Variants in GUCY1A2 observed in about 807,000 individuals in gnomAD.
GUCY1A2 encodes guanylate cyclase soluble subunit alpha-2.
GUCY1A2 carries 27 observed loss-of-function variants against 63.5 expected under a neutral mutation model. The observed-to-expected ratio is 0.43, with a 90% CI of 0.31 to 0.59. The LOEUF (loss-of-function observed/expected upper bound fraction) is 0.59, where lower values mean the gene tolerates loss of function less well. Ranked by LOEUF, GUCY1A2 falls within the 20% of genes least tolerant of loss-of-function variation. The pLI is 0.11. For synonymous variants in GUCY1A2, 364 were observed against 343.5 expected (o/e 1.06, Z -0.66); for missense variants, 768 against 913.3 (o/e 0.84, Z 2.05).
chr11:106,791,210 A>C (rs1184126351), intron 5 of GUCY1A2, among the ~76,000 whole-genome samples: 1 of 152,184 alleles, frequency 6.6e-6, no homozygotes, highest in Non-Finnish European at 1.5e-5. Flanking sequence ...CCTCTGTGTG[A>C]GTGTCAGCTG....
At chr11:106,713,493 T>C (rs12786264) in intron 6 of GUCY1A2, among the ~76,000 whole-genome samples, 1 of 135,194 alleles carries the variant, frequency 7.4e-6, no homozygotes, top group Non-Finnish European at 1.6e-5. Flanking sequence ...TATTAGTATG[T>C]TTCTTTTTTT....
chr11:106,839,377 G>A (rs1022065796), intron 4 of GUCY1A2, among the ~76,000 whole-genome samples: 2 of 151,904 alleles, frequency 1.3e-5, no homozygotes, highest in Non-Finnish European at 2.9e-5. Context: ...TGGAGGGGAC[G>A]TGGAGAAATA....
intron 1 of GUCY1A2, among the ~76,000 whole-genome samples, chr11:106,991,451 G>C (rs993911431): frequency 6.6e-6 from 1 of 152,154 alleles, no homozygotes; most frequent in Non-Finnish European, 1.5e-5. Context: ...AAAATACCAA[G>C]GTCTACGTGC....
Position 106,752,682 on chromosome 11 carries a change from A to G in GUCY1A2, c.1836+23757T>C, listed in dbSNP as rs192704848. Among the ~76,000 whole-genome samples the G allele has an allele frequency of 3.9e-5, 6 of 152,286 alleles. No individual in the cohort carries two copies. The East Asian group carries it at 1.2e-3, about 29-fold the overall frequency. On this transcript the variant is annotated intron_variant, in intron 6 of 7. Transcript: ENST00000526355. Reference sequence around the variant, plus strand: ...AGCTTCATCCATGTCCCTGCAAAGGACATGAAGTCATCCTTTTTATGGCTG... The same window carrying G: ...AGCTTCATCCATGTCCCTGCAAAGGGCATGAAGTCATCCTTTTTATGGCTG...
chr11:106,901,791 C>T (rs536233183), intron 4 of GUCY1A2, among the ~76,000 whole-genome samples: 167 of 152,252 alleles, frequency 1.1e-3, no homozygotes, highest in Non-Finnish European at 2.2e-3. Context: ...CCAGCTTCAT[C>T]CATGTCCCTA....
chr11:106,943,954 C>G (rs1352133053), intron 3 of GUCY1A2, among the ~76,000 whole-genome samples: 1 of 151,938 alleles, frequency 6.6e-6, no homozygotes, highest in Non-Finnish European at 1.5e-5. Context: ...GCCTGTAAAC[C>G]TAGCACTTTG....
chr11:106,990,353 T>G (rs965180285), intron 1 of GUCY1A2, among the ~76,000 whole-genome samples: 2 of 152,230 alleles, frequency 1.3e-5, no homozygotes, highest in African/African-American at 4.8e-5. Flanking sequence ...CCCCACAGAC[T>G]AAATGTTATG....
chr11:106,905,583 A>T (rs1860193681), intron 4 of GUCY1A2, among the ~76,000 whole-genome samples: 1 of 152,086 alleles, frequency 6.6e-6, no homozygotes, highest in Non-Finnish European at 1.5e-5. Context: ...GAGAATTGGG[A>T]TCAAGCACTT....
In GUCY1A2 at chr11:106,950,135, A is replaced by C. The variant is rs529760755; in HGVS notation, c.488-9957T>G. 5.9e-5 allele frequency among the ~76,000 whole-genome samples: 9 copies of C among 152,322 alleles called. No individual in the cohort carries two copies. The South Asian group carries it at 1.9e-3, about 32-fold the overall frequency. On this transcript the variant is annotated intron_variant, in intron 3 of 7. Transcript: ENST00000526355. Reference sequence around the variant, plus strand: ...TTGACAAATTCTTGTTCCTTTGCCAACAAGGAGCCACAGGTGTTGAGTGCT... The same window carrying C: ...TTGACAAATTCTTGTTCCTTTGCCACCAAGGAGCCACAGGTGTTGAGTGCT...
chr11:106,830,506 C>T (rs527431272), intron 4 of GUCY1A2, among the ~76,000 whole-genome samples: 27 of 152,306 alleles, frequency 1.8e-4, no homozygotes, highest in African/African-American at 5.5e-4. Context: ...GGGTGGGCAC[C>T]ATCTAATCAG....
At chr11:106,769,418 AT>A (rs1446597333) in intron 6 of GUCY1A2, among the ~76,000 whole-genome samples, 1 of 150,324 alleles carries the variant, frequency 6.7e-6, no homozygotes, top group Non-Finnish European at 1.5e-5. Context: ...TGAGGGAAGT[AT>A]TGGCAAGTTG....
intron 4 of GUCY1A2, among the ~76,000 whole-genome samples, chr11:106,853,386 T>C (rs1859382477): frequency 6.6e-6 from 1 of 151,992 alleles, no homozygotes; most frequent in South Asian, 2.1e-4. Context: ...CTGGGTTATT[T>C]TGGAAGCTCT....
chr11:106,847,455 T>C (rs1226140736), intron 4 of GUCY1A2, among the ~76,000 whole-genome samples: 1 of 151,394 alleles, frequency 6.6e-6, no homozygotes, highest in Admixed American at 6.6e-5. Context: ...ATACTAATCA[T>C]TGCTATTATT....
At chr11:107,000,880 G>A (rs938617466) in intron 1 of GUCY1A2, among the ~76,000 whole-genome samples, 2 of 152,114 alleles carry the variant, frequency 1.3e-5, no homozygotes, top group Non-Finnish European at 2.9e-5. Context: ...AATCACACAA[G>A]GGAAAGAAAT....
chr11:106,832,460 G>T (rs948562815), intron 4 of GUCY1A2, among the ~76,000 whole-genome samples: 12 of 152,074 alleles, frequency 7.9e-5, no homozygotes, highest in Non-Finnish European at 1.5e-4. Flanking sequence ...GTATTAGGAG[G>T]TGTAAGATGG....
At chr11:106,797,170 A>G (rs1485931558) in intron 5 of GUCY1A2, among the ~76,000 whole-genome samples, 1 of 152,036 alleles carries the variant, frequency 6.6e-6, no homozygotes, top group Non-Finnish European at 1.5e-5. Flanking sequence ...CTAGTTAGCC[A>G]TTCGTCTAAT....
In GUCY1A2 at chr11:106,738,878, C is replaced by T. The variant is rs190953500; in HGVS notation, c.1837-30212G>A. Reference sequence around the variant, plus strand: ...TGGGATTGTCTTGGCTATACGGGTTCTTTTTTGGTTCCATATGAAATTTAA... The same window carrying T: ...TGGGATTGTCTTGGCTATACGGGTTTTTTTTTGGTTCCATATGAAATTTAA... On this transcript the variant is annotated intron_variant, in intron 6 of 7. Coordinates refer to ENST00000526355, the MANE Select transcript of GUCY1A2 (RefSeq NM_000855.3). Among the ~76,000 whole-genome samples the T allele has an allele frequency of 6.1e-4, 93 of 152,138 alleles. No homozygotes were observed. In the Middle Eastern group the frequency reaches 0.02, roughly 33 times the overall value.
intron 1 of GUCY1A2, among the ~76,000 whole-genome samples, chr11:106,988,773 T>C (rs1398089831): frequency 6.6e-6 from 1 of 152,168 alleles, no homozygotes; most frequent in Non-Finnish European, 1.5e-5. Context: ...ACTTCAGCAA[T>C]CCAAGACTGA....
At chr11:106,837,027 G>A (rs1207261360) in intron 4 of GUCY1A2, among the ~76,000 whole-genome samples, 1 of 151,884 alleles carries the variant, frequency 6.6e-6, no homozygotes, top group African/African-American at 2.4e-5. Context: ...AGGGGTACAT[G>A]TGTAGGTTTG....
Sources: gnomAD v4.1 joint callset for allele counts (sites outside exome capture counted in the v4.1 genomes callset) on GRCh38, gnomAD v4.1.1 for gene constraint, MANE v1.5 for transcripts, NCBI Gene and HGNC (gene_info 2026-07-23, HGNC 2026-07-21) for gene names.